Variants in AGPAT4 observed in about 807,000 individuals in gnomAD.
The protein encoded by AGPAT4 is 1-acylglycerol-3-phosphate O-acyltransferase 4, also known as 1-acyl-sn-glycerol-3-phosphate acyltransferase delta.
Under a neutral mutation model 48.0 loss-of-function variants are expected in AGPAT4, and 15 were observed. The observed-to-expected ratio is 0.31, with a 90% CI of 0.21 to 0.48. The LOEUF (loss-of-function observed/expected upper bound fraction) is 0.48, where lower values mean the gene tolerates loss of function less well. AGPAT4 is among the 20% of genes least tolerant of loss of function. AGPAT4 has a pLI of 0.99. For synonymous variants in AGPAT4, 178 were observed against 198.7 expected, an observed-to-expected ratio of 0.90 and a Z score of 0.88; for missense variants, 314 against 482.5, an observed-to-expected ratio of 0.65 and a Z score of 3.27.
At chr6:161,157,107 C>T (rs1779787870) in intron 3 of AGPAT4, among the ~76,000 whole-genome samples, 1 of 152,222 alleles carries the variant, frequency 6.6e-6, no homozygotes, top group Admixed American at 6.5e-5. Flanking sequence ...TCCTCTAGCA[C>T]CGCTGGGTTA....
Position 161,136,493 on chromosome 6 carries a change from G to A in AGPAT4, c.*47C>T, listed in dbSNP as rs1235561045. ...GTCCCACTAAGGAGGATATGCAGAG[G>A]CCACCAGTTCCCCAAGGTTCCCTTC... On this transcript the variant is annotated 3_prime_UTR_variant, in exon 9 of 9. Transcript: ENST00000320285. The A allele has an allele frequency of 6.4e-7, 1 of 1,558,900 alleles. No homozygotes were observed. Among genetic ancestry groups the A allele is most frequent in the Admixed American group, 1.7e-5 (1 of 59,864 alleles).
chr6:161,191,798 G>C (rs1387645448), intron 2 of AGPAT4, among the ~76,000 whole-genome samples: 1 of 152,208 alleles, frequency 6.6e-6, no homozygotes, highest in South Asian at 2.1e-4. Flanking sequence ...GCAGAAGAGA[G>C]TTACACATAG....
intron 2 of AGPAT4, among the ~76,000 whole-genome samples, chr6:161,173,731 C>T (rs1351037656): frequency 6.6e-6 from 1 of 152,146 alleles, no homozygotes; most frequent in Admixed American, 6.5e-5. Context: ...ATGTCTATGT[C>T]CTGAATGGTA....
At position 161,161,161 on chromosome 6, in the gene AGPAT4, C is replaced by T. The variant is rs1347346617; in HGVS notation, c.348+5087G>A. 2.2e-6 allele frequency: 1 copy of T among 456,606 alleles called. No homozygotes were observed. The highest frequency in any genetic ancestry group is 2.0e-5 in the African/African-American group (1 of 50,076). The allele number at this position is 456,606 out of a possible 1,614,324, so 28.3% of individuals were successfully genotyped here. On this transcript the variant is annotated intron_variant, in intron 3 of 8. Transcript: ENST00000320285. This position sits in a 1 kb window ranked among gnomAD's most constrained non-coding sequence, Gnocchi z 4.6. ...ACCCTGGCTTTATGAGCGGTGGGAT[C>T]AGACTCTGGCTTGTTAAAGACACTG...
intron 4 of AGPAT4, among the ~76,000 whole-genome samples, chr6:161,153,771 G>A (rs558732102): frequency 2.0e-5 from 3 of 147,510 alleles, no homozygotes; most frequent in Admixed American, 6.7e-5. Context: ...AGGGCCCCAT[G>A]GTTACATACA....
In AGPAT4 at chr6:161,153,437, C is replaced by T. The variant is rs1234119803; in HGVS notation, c.573G>A (p.Val191=). The change falls in exon 5 of 9, where the codon GTG becomes GTA. Residue 191 remains valine, a synonymous_variant. Transcript: ENST00000320285. ...TEKKHEISMQ[V]ARAKGLPRLK... is the part of the protein sequence containing the mutation. ...GGCGAGGCAGCCCCTTGGCCCGGGC[C>T]ACCTGCATGCTGATCTCATGCTTCT... 3.1e-6 allele frequency: 5 copies of T among 1,612,670 alleles called. No homozygotes were observed. The highest frequency in any genetic ancestry group is 3.3e-5 in the Admixed American group (2 of 59,868).
chr6:161,154,436 G>T lies in AGPAT4; in HGVS notation c.349-126C>A. 9.2e-7 allele frequency: 1 copy of T among 1,081,550 alleles called. No homozygotes were observed. The highest frequency in any genetic ancestry group is 1.3e-6 in the Non-Finnish European group (1 of 761,690). The allele number at this position is 1,081,550 out of a possible 1,614,324, so 67.0% of individuals were successfully genotyped here. A position where few individuals can be genotyped will look rare whatever the true frequency, so the allele number is the denominator to read the frequency against. On this transcript the variant is annotated intron_variant, in intron 3 of 8. Transcript: ENST00000320285. The surrounding 1 kb of genome is among the most constrained non-coding windows in gnomAD (Gnocchi z 7.8). ...CACCAGACGCCTCGGGACAGTCCCA[G>T]AACACATGCTGTCGAGGCCATGGAC...
Position 161,148,251 on chromosome 6 carries a change from G to C in AGPAT4, c.767+936C>G, listed in dbSNP as rs749011. ...ACAGAACTGAGTCACAGGGCAGACT[G>C]TTGCCTGCACCATCAGACAAGAAGT... On this transcript the variant is annotated intron_variant, in intron 6 of 8. Coordinates refer to ENST00000320285, the MANE Select transcript of AGPAT4 (RefSeq NM_020133.3). The surrounding 1 kb of genome is among the most constrained non-coding windows in gnomAD (Gnocchi z 5.5). Among the ~76,000 whole-genome samples the C allele has an allele frequency of 0.11, 16,557 of 152,226 alleles. 1,612 individuals are homozygous for C. Among genetic ancestry groups the C allele is most frequent in the African/African-American group, 0.26 (10,719 of 41,494 alleles).
chr6:161,177,796 G>C lies in AGPAT4; in HGVS notation c.179-11379C>G, dbSNP rs1239045060. Among the ~76,000 whole-genome samples, 5 of 152,086 alleles carry C rather than the reference G, an allele frequency of 3.3e-5. No homozygotes were observed. The South Asian group carries it at 1.0e-3, about 32-fold the overall frequency. On this transcript the variant is annotated intron_variant, in intron 2 of 8. Coordinates refer to ENST00000320285, the MANE Select transcript of AGPAT4 (RefSeq NM_020133.3). This position sits in a 1 kb window ranked among gnomAD's most constrained non-coding sequence, Gnocchi z 5.0. ...ATCTTTGTGGTTTTATCTACCTTTG[G>C]TCTTTGATGATGGTGACGTACAGAT...
Position 161,161,679 on chromosome 6 carries a change from C to T in AGPAT4, c.348+4569G>A, listed in dbSNP as rs554546106. On this transcript the variant is annotated intron_variant, in intron 3 of 8. Transcript: ENST00000320285. This position sits in a 1 kb window ranked among gnomAD's most constrained non-coding sequence, Gnocchi z 4.6. ...TTCTCTTCAGCCAAAGAGCCCTTGA[C>T]AAGTGCATGTGTATGAAGAAGCTGG... 19 of 357,192 alleles carry T rather than the reference C, an allele frequency of 5.3e-5. No individual in the cohort carries two copies. Among genetic ancestry groups the T allele is most frequent in the Non-Finnish European group, 8.3e-5 (15 of 179,656 alleles). The allele number at this position is 357,192 out of a possible 1,614,324, so 22.1% of individuals were successfully genotyped here.
At position 161,262,473 on chromosome 6, in the gene AGPAT4, C is replaced by T. The variant is rs975489011; in HGVS notation, c.-90+11465G>A. Among the ~76,000 whole-genome samples, 7 of 149,880 alleles carry T rather than the reference C, an allele frequency of 4.7e-5. No homozygotes were observed. Among genetic ancestry groups the T allele is most frequent in the Non-Finnish European group, 1.0e-4 (7 of 67,184 alleles). On this transcript the variant is annotated intron_variant, in intron 1 of 8. Transcript: ENST00000320285. The surrounding 1 kb of genome is among the most constrained non-coding windows in gnomAD (Gnocchi z 4.9). Reference sequence around the variant, plus strand: ...CAGCTGGCTCTATACTAGCTCATTCCTTTTTTTTTTCCCCCTCCTCATTAT... The same window carrying T: ...CAGCTGGCTCTATACTAGCTCATTCTTTTTTTTTTTCCCCCTCCTCATTAT...
At position 161,223,247 on chromosome 6, in the gene AGPAT4, C is replaced by T. The variant is rs1024104251; in HGVS notation, c.178+8789G>A. ...GCCCCCTGGACTGAGCTTGGGTGCA[C>T]GTTTGTTAAAGAATGCCTGCTGGGC... On this transcript the variant is annotated intron_variant, in intron 2 of 8. Coordinates refer to ENST00000320285, the MANE Select transcript of AGPAT4 (RefSeq NM_020133.3). This position sits in a 1 kb window ranked among gnomAD's most constrained non-coding sequence, Gnocchi z 6.3. 2.6e-5 allele frequency among the ~76,000 whole-genome samples: 4 copies of T among 152,168 alleles called. No homozygotes were observed. The highest frequency in any genetic ancestry group is 9.7e-5 in the African/African-American group (4 of 41,440).
rs1780067619 is a variant in AGPAT4, at chr6:161,165,467, C to T, written c.348+781G>A. 1.7e-6 allele frequency: 1 copy of T among 578,694 alleles called. No homozygotes were observed. The highest frequency in any genetic ancestry group is 2.5e-6 in the Non-Finnish European group (1 of 396,354). The allele number at this position is 578,694 out of a possible 1,614,324, so 35.8% of individuals were successfully genotyped here. A position where few individuals can be genotyped will look rare whatever the true frequency, so the allele number is the denominator to read the frequency against. On this transcript the variant is annotated intron_variant, in intron 3 of 8. Transcript: ENST00000320285. The surrounding 1 kb of genome is among the most constrained non-coding windows in gnomAD (Gnocchi z 5.5). Reference sequence around the variant, plus strand: ...CAGCCCCCGTATCTGTTCTACAGGGCATTGTTCCCAGGTGCAAAACCTGAT... The same window carrying T: ...CAGCCCCCGTATCTGTTCTACAGGGTATTGTTCCCAGGTGCAAAACCTGAT...
At chr6:161,239,425 G>C (rs1430282686) in intron 1 of AGPAT4, among the ~76,000 whole-genome samples, 1 of 152,162 alleles carries the variant, frequency 6.6e-6, no homozygotes, top group Non-Finnish European at 1.5e-5. Context: ...TCATACTCAG[G>C]AAGACAGGCT....
In AGPAT4 at chr6:161,134,065, A is replaced by G. The variant is rs558341660; in HGVS notation, c.*2475T>C. 1 of 152,234 alleles carries G rather than the reference A, an allele frequency of 6.6e-6. No homozygotes were observed. 9.4% of individuals were successfully genotyped at this position (152,234 alleles called of 1,614,324 possible). On this transcript the variant is annotated 3_prime_UTR_variant, in exon 9 of 9. Coordinates refer to ENST00000320285, the MANE Select transcript of AGPAT4 (RefSeq NM_020133.3). ...CATTAAGGGCGCAGGGTGTAAGGAA[A>G]CCAGGTTCCCAGGCTGCATAACAAA...
At chr6:161,153,950 C>T (rs1583285532) in intron 4 of AGPAT4, 199 bp downstream of exon 4, 2 of 681,474 alleles carry the variant, frequency 2.9e-6, no homozygotes, top group African/African-American at 3.7e-5. Context: ...CACGGCCCCA[C>T]AGTCATACGT....
At position 161,153,432 on chromosome 6, in the gene AGPAT4, C is replaced by T. The variant is rs145753969; in HGVS notation, c.578G>A (p.Arg193Gln). The change falls in exon 5 of 9, where the codon CGG (arginine) becomes CAG (glutamine). Residue 193 changes from arginine (R) to glutamine (Q), a missense_variant. Physicochemically the swap from Arg to Gln is conservative, Grantham distance 43. Coordinates refer to ENST00000320285, the MANE Select transcript of AGPAT4 (RefSeq NM_020133.3). Reference protein sequence around the residue: ...KKHEISMQVARAKGLPRLKHH... With the variant: ...KKHEISMQVAQAKGLPRLKHH... Reference sequence around the variant, plus strand: ...CTTGAGGCGAGGCAGCCCCTTGGCCCGGGCCACCTGCATGCTGATCTCATG... The same window carrying T: ...CTTGAGGCGAGGCAGCCCCTTGGCCTGGGCCACCTGCATGCTGATCTCATG... 7.6e-5 allele frequency: 122 copies of T among 1,612,188 alleles called. No homozygotes were observed. The highest frequency in any genetic ancestry group is 2.2e-4 in the Admixed American group (13 of 59,784).
At position 161,197,662 on chromosome 6, in the gene AGPAT4, T is replaced by G. The variant is rs1418727125; in HGVS notation, c.179-31245A>C. ...CTGTTCCTAACCTAGAGCCGTTGTC[T>G]TGCAGGAGCTCCTAGAAGGACTGGA... On this transcript the variant is annotated intron_variant, in intron 2 of 8. Coordinates refer to ENST00000320285, the MANE Select transcript of AGPAT4 (RefSeq NM_020133.3). This position sits in a 1 kb window ranked among gnomAD's most constrained non-coding sequence, Gnocchi z 5.7. Among the ~76,000 whole-genome samples, 1 of 152,148 alleles carries G rather than the reference T, an allele frequency of 6.6e-6. No individual in the cohort carries two copies. The highest frequency in any genetic ancestry group is 1.5e-5 in the Non-Finnish European group (1 of 68,032).
At position 161,229,151 on chromosome 6, in the gene AGPAT4, GAA is replaced by G. The variant is rs1351318540; in HGVS notation, c.178+2883_178+2884del. On this transcript the variant is annotated intron_variant, in intron 2 of 8. Transcript: ENST00000320285. The surrounding 1 kb of genome is among the most constrained non-coding windows in gnomAD (Gnocchi z 6.0). ...CAAGCTCTTAACAAATATTTAATGA[GAA>G]AAGAGACAAAGCCATAGCTCTGCTA... 6.6e-6 allele frequency among the ~76,000 whole-genome samples: 1 copy of G among 152,020 alleles called. No individual in the cohort carries two copies. Among genetic ancestry groups the G allele is most frequent in the Non-Finnish European group, 1.5e-5 (1 of 68,006 alleles).
Sources: allele counts gnomAD v4.1 joint callset (sites outside exome capture counted in the v4.1 genomes callset), GRCh38; gene constraint gnomAD v4.1.1; non-coding constraint Gnocchi (gnomAD v3.1); transcripts MANE v1.5; gene names NCBI Gene and HGNC (gene_info 2026-07-23, HGNC 2026-07-21).